PDE11A: variants seen among roughly 807,000 people sequenced by gnomAD.
PDE11A encodes phosphodiesterase 11A, also known as dual 3',5'-cyclic-AMP and -GMP phosphodiesterase 11A.
A neutral mutation model predicts 100.5 loss-of-function variants in PDE11A; 100 were observed. The observed-to-expected ratio is 1.00, with a 90% confidence interval of 0.85 to 1.18. The LOEUF is 1.18. Among genes scored for constraint, PDE11A ranks in the 50% most tolerant of loss-of-function variants. PDE11A has a pLI of 0.00. For missense variants in PDE11A, 1,141 were observed against 1,152.6 expected, an observed-to-expected ratio of 0.99 and a Z score of 0.15; for synonymous variants, 381 against 420.8, an observed-to-expected ratio of 0.91 and a Z score of 1.16.
intron 2 of PDE11A, among the ~76,000 whole-genome samples, chr2:177,956,080 G>A (rs1574306183): frequency 6.6e-6 from 1 of 152,130 alleles, no homozygotes. Flanking sequence ...AAACTAAAGA[G>A]CTTCTGCACA....
At position 177,884,231 on chromosome 2, in the gene PDE11A, A is replaced by G. The variant is rs149340921; in HGVS notation, c.1303-8308T>C. On this transcript the variant is annotated intron_variant, in intron 4 of 19. Transcript: ENST00000286063. ...GAAATCTCCCTATCACTGTTCCAGA[A>G]TTGGCTATCCTCAACAGACCACTCT... Among the ~76,000 whole-genome samples the G allele has an allele frequency of 3.3e-3, 497 of 152,324 alleles. 2 individuals carry two copies. Among genetic ancestry groups the G allele is most frequent in the African/African-American group, 0.011 (467 of 41,578 alleles).
At chr2:177,932,072 A>G (rs2085215237) in intron 2 of PDE11A, among the ~76,000 whole-genome samples, 1 of 152,158 alleles carries the variant, frequency 6.6e-6, no homozygotes, top group Non-Finnish European at 1.5e-5. Context: ...GAGGAAATGA[A>G]TATATTCTTG....
At chr2:178,067,554 C>G (rs1027099679) in intron 1 of PDE11A, among the ~76,000 whole-genome samples, 9 of 152,130 alleles carry the variant, frequency 5.9e-5, no homozygotes, top group Non-Finnish European at 8.8e-5. Flanking sequence ...TTCTCCCTAC[C>G]CCACAACTAT....
intron 5 of PDE11A, among the ~76,000 whole-genome samples, chr2:177,841,102 A>T (rs1274307064): frequency 6.6e-6 from 1 of 152,202 alleles, no homozygotes. Context: ...TTTTATGCCA[A>T]ATGATTTTTT....
intron 5 of PDE11A, among the ~76,000 whole-genome samples, chr2:177,867,583 C>T (rs1195874816): frequency 6.6e-6 from 1 of 152,036 alleles, no homozygotes; most frequent in Non-Finnish European, 1.5e-5. Context: ...CAAAAATTAG[C>T]TGGGTGTGGT....
chr2:177,727,997 G>T, intron 11 of PDE11A, 29 bp downstream of exon 11: 1 of 1,602,186 alleles, frequency 6.2e-7, no homozygotes, highest in Non-Finnish European at 8.6e-7. Context: ...CAGGTGAACT[G>T]CTTGGATCAC....
intron 19 of PDE11A, 105 bp downstream of exon 19, chr2:177,663,761 T>G: frequency 1.3e-6 from 1 of 757,468 alleles, no homozygotes; most frequent in South Asian, 1.4e-5. Flanking sequence ...CTCTCCGCAA[T>G]GTGCATACCC....
intron 9 of PDE11A, among the ~76,000 whole-genome samples, chr2:177,785,463 A>T (rs1319588302): frequency 6.6e-6 from 1 of 152,258 alleles, no homozygotes; most frequent in East Asian, 1.9e-4. Context: ...AGCGACGCAG[A>T]AGACGGGTGA....
intron 2 of PDE11A, among the ~76,000 whole-genome samples, chr2:177,950,875 C>T (rs1286700431): frequency 1.3e-5 from 2 of 152,118 alleles, no homozygotes; most frequent in Non-Finnish European, 2.9e-5. Context: ...AGCGGCACTG[C>T]ATTCCAAGAT....
At chr2:177,837,483 T>C (rs2083423468) in intron 6 of PDE11A, among the ~76,000 whole-genome samples, 1 of 151,806 alleles carries the variant, frequency 6.6e-6, no homozygotes, top group Non-Finnish European at 1.5e-5. Flanking sequence ...TTTCTTTTTT[T>C]TTTTTTTTGA....
intron 2 of PDE11A, among the ~76,000 whole-genome samples, chr2:178,088,238 A>C (rs2087382477): frequency 6.6e-6 from 1 of 152,266 alleles, no homozygotes. Flanking sequence ...AATGCAAAGA[A>C]GACAATTTGA....
intron 12 of PDE11A, among the ~76,000 whole-genome samples, chr2:177,725,959 G>A (rs1362368250): frequency 1.3e-5 from 2 of 152,066 alleles, no homozygotes; most frequent in African/African-American, 4.8e-5. Context: ...AAATCCATAG[G>A]TTTTCCCAAA....
At chr2:178,006,859 A>G (rs2086219227) in intron 2 of PDE11A, among the ~76,000 whole-genome samples, 1 of 152,012 alleles carries the variant, frequency 6.6e-6, no homozygotes, top group South Asian at 2.1e-4. Flanking sequence ...CCAACCAAAG[A>G]TGTTGAATTC....
At chr2:178,069,441 A>G (rs1021543562) in intron 1 of PDE11A, among the ~76,000 whole-genome samples, 1 of 152,224 alleles carries the variant, frequency 6.6e-6, no homozygotes, top group Non-Finnish European at 1.5e-5. Context: ...AAAAGAAAAG[A>G]GAAACTTTCT....
Position 177,627,318 on chromosome 2 carries a change from G to A in PDE11A, c.*2089C>T, listed in dbSNP as rs2079852304. ...TCCAAATTGCTGGGATTACAGGCGTGAGCCACCGCGCCCGGTCTATACATT... is the reference window on the plus strand; with the variant it reads ...TCCAAATTGCTGGGATTACAGGCGTAAGCCACCGCGCCCGGTCTATACATT... On this transcript the variant is annotated 3_prime_UTR_variant, in exon 20 of 20. Transcript: ENST00000286063. 6.6e-6 allele frequency: 1 copy of A among 151,284 alleles called. No homozygotes were observed. The highest frequency in any genetic ancestry group is 1.5e-5 in the Non-Finnish European group (1 of 67,916). The allele number at this position is 151,284 out of a possible 1,614,324, so 9.4% of individuals were successfully genotyped here.
At chr2:177,729,454 C>T (rs1233075023) in intron 10 of PDE11A, among the ~76,000 whole-genome samples, 1 of 152,126 alleles carries the variant, frequency 6.6e-6, no homozygotes, top group Non-Finnish European at 1.5e-5. Context: ...TTCTCTAGCC[C>T]ACATCTTTCT....
intron 1 of PDE11A, among the ~76,000 whole-genome samples, chr2:178,032,114 C>T (rs984302617): frequency 6.6e-6 from 1 of 152,054 alleles, no homozygotes; most frequent in Non-Finnish European, 1.5e-5. Flanking sequence ...AGGTCAATTG[C>T]TTATTCAAAT....
chr2:177,959,585 T>C (rs1470332622), intron 2 of PDE11A, among the ~76,000 whole-genome samples: 16 of 152,160 alleles, frequency 1.1e-4, no homozygotes, highest in Admixed American at 1.0e-3. Flanking sequence ...TATTTTAAGC[T>C]AACAGGGACT....
chr2:177,660,636 C>T (rs1173704658), intron 19 of PDE11A, among the ~76,000 whole-genome samples: 4 of 152,154 alleles, frequency 2.6e-5, no homozygotes, highest in Admixed American at 6.5e-5. Context: ...ATAAGAGTTT[C>T]GATTTTAAAT....
Sources: gnomAD v4.1 joint callset for allele counts (sites outside exome capture counted in the v4.1 genomes callset) on GRCh38, gnomAD v4.1.1 for gene constraint, MANE v1.5 for transcripts, NCBI Gene and HGNC (gene_info 2026-07-23, HGNC 2026-07-21) for gene names.